The following TOE1 variants were observed in gnomAD, a reference collection of about 807,000 sequenced individuals.
The protein encoded by TOE1 is target of EGR1 protein 1.
In TOE1, 50 loss-of-function variants were observed where a neutral mutation model predicts 49.2. The observed-to-expected ratio is 1.02, with a 90% CI of 0.81 to 1.29. The LOEUF is 1.29. Among genes scored for constraint, TOE1 ranks in the 50% most tolerant of loss-of-function variants. The pLI is 0.00. For synonymous variants in TOE1, 221 were observed against 247.0 expected (o/e 0.89, Z 0.99); for missense variants, 544 against 654.4 (o/e 0.83, Z 1.84).
rs369233199 is a variant in TOE1 at position 45,343,180 on chromosome 1, A to G, written c.1011A>G (p.Arg337=). 119 of 1,613,586 alleles carry G rather than the reference A, an allele frequency of 7.4e-5. No homozygotes were observed. Among genetic ancestry groups the G allele is most frequent in the Non-Finnish European group, 9.8e-5 (116 of 1,179,940 alleles). The part of the protein sequence containing the change: ...TDEAAAEDKR[R]RRRRREKRKR... The stretch of plus-strand genomic sequence containing the variant: ...AGGCTGCGGCAGAGGACAAGCGGCG[A>G]CGGCGACGACGTAGGGAAAAACGGA... The change falls in exon 8 of 8, where the codon CGA becomes CGG. Residue 337 remains arginine (R), a synonymous_variant. Coordinates refer to ENST00000372090, the MANE Select transcript of TOE1 (RefSeq NM_025077.4). This position sits in a 1 kb window ranked among gnomAD's most constrained non-coding sequence, Gnocchi z 4.3.
At chr1:45,340,592 T>TA in intron 1 of TOE1, 1 of 1,337,614 alleles carries the variant, frequency 7.5e-7, no homozygotes, top group Non-Finnish European at 9.6e-7. Flanking sequence ...TTGAGCGTTG[T>TA]GATCCAAAGG....
rs771934841 is a variant in TOE1 at position 45,341,533 on chromosome 1, C to G, written c.297C>G (p.Ser99=). The change falls in exon 4 of 8, where the codon TCC becomes TCG. Residue 99 remains serine, a synonymous_variant. Coordinates refer to ENST00000372090, the MANE Select transcript of TOE1 (RefSeq NM_025077.4). ...CTGCCAGGACCCGTTCTATCCTTTC[C>G]CTGGGCCTCGCCTGCTTCAAGCGGC... is the stretch of plus-strand genomic sequence containing the variant. The part of the protein sequence containing the change: ...CHAARTRSIL[S]LGLACFKRQP... 29 of 1,613,928 alleles carry G rather than the reference C, an allele frequency of 1.8e-5. No homozygotes were observed. Among genetic ancestry groups the G allele is most frequent in the Non-Finnish European group, 2.5e-5 (29 of 1,180,016 alleles).
intron 1 of TOE1, 166 bp downstream of exon 1, chr1:45,340,470 G>A: frequency 6.8e-7 from 1 of 1,469,558 alleles, no homozygotes; most frequent in African/African-American, 1.4e-5. Flanking sequence ...GGCTCCGGCT[G>A]CAAAAGCCTG....
rs1300042760 is a variant in TOE1, at chr1:45,343,527, A to G, written c.1358A>G (p.Tyr453Cys). The change falls in exon 8 of 8, where the codon TAT (tyrosine) becomes TGT (cysteine). Residue 453 changes from tyrosine (Y) to cysteine (C), a missense_variant. Tyr to Cys is a radical substitution (Grantham distance 194). Coordinates refer to ENST00000372090, the MANE Select transcript of TOE1 (RefSeq NM_025077.4). This position sits in a 1 kb window ranked among gnomAD's most constrained non-coding sequence, Gnocchi z 4.3. ...DAFMTGYVMAYVEVSQGPQPC... is the reference protein window; with the variant it reads ...DAFMTGYVMACVEVSQGPQPC... ...TTTATGACAGGTTATGTGATGGCCT[A>G]TGTGGAAGTGAGCCAGGGACCGCAG... 9 of 1,614,076 alleles carry G rather than the reference A, an allele frequency of 5.6e-6. No homozygotes were observed. Among genetic ancestry groups the G allele is most frequent in the East Asian group, 4.5e-5 (2 of 44,870 alleles).
Position 45,343,783 on chromosome 1 carries a change from G to C in TOE1, c.*81G>C. 6.8e-7 allele frequency: 1 copy of C among 1,460,096 alleles called. No individual in the cohort carries two copies. Among genetic ancestry groups the C allele is most frequent in the Non-Finnish European group, 9.3e-7 (1 of 1,074,730 alleles). The allele number at this position is 1,460,096 out of a possible 1,614,324, so 90.4% of individuals were successfully genotyped here. On this transcript the variant is annotated 3_prime_UTR_variant, in exon 8 of 8. Coordinates refer to ENST00000372090, the MANE Select transcript of TOE1 (RefSeq NM_025077.4). The surrounding 1 kb of genome is among the most constrained non-coding windows in gnomAD (Gnocchi z 4.3). ...TGAAATGTCATCCTCAACTGCTACTGAGTTTAGGGGAGGGGGAATGTCTTG... is the reference window on the plus strand; with the variant it reads ...TGAAATGTCATCCTCAACTGCTACTCAGTTTAGGGGAGGGGGAATGTCTTG...
At position 45,341,866 on chromosome 1, in the gene TOE1, T is replaced by C. The variant is rs1388801492; in HGVS notation, c.334-83T>C. 17 of 1,435,598 alleles carry C rather than the reference T, an allele frequency of 1.2e-5. No homozygotes were observed. In the South Asian group the frequency reaches 1.6e-4, roughly 14 times the overall value. The allele number at this position is 1,435,598 out of a possible 1,614,324, so 88.9% of individuals were successfully genotyped here. On this transcript the variant is annotated intron_variant, in intron 4 of 7. Coordinates refer to ENST00000372090, the MANE Select transcript of TOE1 (RefSeq NM_025077.4). The stretch of plus-strand genomic sequence containing the variant: ...TCCTTTCCCCCCTGAGTCCCCAGAG[T>C]CCATTGTATCATTCTTAAGCTTTTG...
chr1:45,341,498 G>A lies in TOE1; in HGVS notation c.262G>A (p.Val88Met), dbSNP rs756255978. Residue 88 changes from valine (V) to methionine (M), a missense_variant, in exon 4 of 8, where the codon GTG becomes ATG. Transcript: ENST00000372090. ...NQCIEERYKA[V>M]CHAARTRSIL... ...GTGCATTGAGGAACGTTACAAGGCC[G>A]TGTGTCATGCTGCCAGGACCCGTTC... 53 of 1,613,934 alleles carry A rather than the reference G, an allele frequency of 3.3e-5. No individual in the cohort carries two copies. The East Asian group carries it at 7.4e-4, about 22-fold the overall frequency.
intron 1 of TOE1, 145 bp downstream of exon 1, chr1:45,340,449 T>C: frequency 6.7e-7 from 1 of 1,494,450 alleles, no homozygotes; most frequent in Non-Finnish European, 8.9e-7. Flanking sequence ...ACAAGTTCCG[T>C]TGTACACCGC....
intron 1 of TOE1, 56 bp downstream of exon 1, chr1:45,340,360 G>T: frequency 6.4e-7 from 1 of 1,574,202 alleles, no homozygotes; most frequent in Non-Finnish European, 8.6e-7. Context: ...GAGAGGGGAA[G>T]GCCTCGGGCT....
chr1:45,342,940 C>T lies in TOE1; in HGVS notation c.850C>T (p.Arg284Cys), dbSNP rs755113478. 1.5e-5 allele frequency: 24 copies of T among 1,613,698 alleles called. No homozygotes were observed. The East Asian group carries it at 2.5e-4, about 16-fold the overall frequency. ...PSSMRDHIDY[R>C]CCLPPATHRP... ...CAGCATGAGGGACCATATTGATTACCGCTGCTGCCTGCCCCCAGCAACCCA... is the reference window on the plus strand; with the variant it reads ...CAGCATGAGGGACCATATTGATTACTGCTGCTGCCTGCCCCCAGCAACCCA... Residue 284 changes from arginine to cysteine, a missense_variant, in exon 7 of 8, where the codon CGC (arginine) becomes TGC (cysteine). Arg to Cys is a radical substitution (Grantham distance 180). Transcript: ENST00000372090.
chr1:45,342,586 C>T lies in TOE1; in HGVS notation c.695C>T (p.Ala232Val). ...GCAGGCATTTATGACACCAAATATG[C>T]TGCTGAGTTTCATGCCCGTTTCGTG... ...FPAGIYDTKY[A>V]AEFHARFVAS... Residue 232 changes from alanine to valine, a missense_variant, in exon 6 of 8, where the codon GCT (alanine) becomes GTT (valine). By Grantham distance (64) the Ala-to-Val change is moderately conservative (BLOSUM62 0). Coordinates refer to ENST00000372090, the MANE Select transcript of TOE1 (RefSeq NM_025077.4). The T allele has an allele frequency of 6.2e-7, 1 of 1,614,170 alleles. No individual in the cohort carries two copies. The highest frequency in any genetic ancestry group is 8.5e-7 in the Non-Finnish European group (1 of 1,180,044).
intron 3 of TOE1, 60 bp downstream of exon 3, chr1:45,341,403 A>C (rs1646962292): frequency 6.2e-7 from 1 of 1,614,022 alleles, no homozygotes; most frequent in Non-Finnish European, 8.5e-7. Flanking sequence ...GGGGGGTCAC[A>C]GACCTGGGTG....
chr1:45,342,135 G>A lies in TOE1; in HGVS notation c.492+28G>A, dbSNP rs765453683. ...AGGCCTCTAGCCTCCCTAGCCTTGAGTCTGCCCTTTCTGTGACTTTATTTC... is the reference window on the plus strand; with the variant it reads ...AGGCCTCTAGCCTCCCTAGCCTTGAATCTGCCCTTTCTGTGACTTTATTTC... On this transcript the variant is annotated intron_variant, in intron 5 of 7. Transcript: ENST00000372090. 1.9e-6 allele frequency: 3 copies of A among 1,610,948 alleles called. No homozygotes were observed. The South Asian group carries it at 3.3e-5, about 18-fold the overall frequency.
At position 45,343,148 on chromosome 1, in the gene TOE1, A is replaced by G; in HGVS notation, c.979A>G (p.Thr327Ala). Residue 327 changes from threonine (T) to alanine (A), a missense_variant, in exon 8 of 8, where the codon ACT (threonine) becomes GCT (alanine). Coordinates refer to ENST00000372090, the MANE Select transcript of TOE1 (RefSeq NM_025077.4). This position sits in a 1 kb window ranked among gnomAD's most constrained non-coding sequence, Gnocchi z 4.3. ...TCACGATATTGACCTTATCATTGAC[A>G]CTGATGAGGCTGCGGCAGAGGACAA... is the stretch of plus-strand genomic sequence containing the variant. ...QSHDIDLIID[T>A]DEAAAEDKRR... 1 of 1,613,668 alleles carries G rather than the reference A, an allele frequency of 6.2e-7. No homozygotes were observed. Among genetic ancestry groups the G allele is most frequent in the Non-Finnish European group, 8.5e-7 (1 of 1,179,946 alleles).
At chr1:45,340,625 C>T (rs1646880174) in intron 1 of TOE1, 1 of 1,301,568 alleles carries the variant, frequency 7.7e-7, no homozygotes, top group Non-Finnish European at 9.9e-7. Context: ...ATTGGGAGCT[C>T]TGGTGTGGGG....
Position 45,342,057 on chromosome 1 carries a change from T to G in TOE1, c.442T>G (p.Phe148Val). The change falls in exon 5 of 8, where the codon TTC (phenylalanine) becomes GTC (valine). Residue 148 changes from phenylalanine to valine, a missense_variant. Coordinates refer to ENST00000372090, the MANE Select transcript of TOE1 (RefSeq NM_025077.4). The stretch of plus-strand genomic sequence containing the variant: ...GTTCCTGATACAGCATGGCTTCAAC[T>G]TCAACCAGCAGTATGCCCAAGGCAT... Reference protein sequence around the residue: ...VQFLIQHGFNFNQQYAQGIPY... With the variant: ...VQFLIQHGFNVNQQYAQGIPY... The G allele has an allele frequency of 6.2e-7, 1 of 1,614,028 alleles. No homozygotes were observed. The highest frequency in any genetic ancestry group is 8.5e-7 in the Non-Finnish European group (1 of 1,179,912).
Position 45,343,315 on chromosome 1 carries a change from G to C in TOE1, c.1146G>C (p.Gln382His). ...GCATCAAGCCTGAAGAAACCGAGCAGGAGGTGGCTGCCGATGAAACTAGGA... is the reference window on the plus strand; with the variant it reads ...GCATCAAGCCTGAAGAAACCGAGCACGAGGTGGCTGCCGATGAAACTAGGA... Reference protein sequence around the residue: ...GDSIKPEETEQEVAADETRNL... With the variant: ...GDSIKPEETEHEVAADETRNL... Residue 382 changes from glutamine to histidine, a missense_variant, in exon 8 of 8, where the codon CAG (glutamine) becomes CAC (histidine). Gln to His is a conservative substitution (Grantham distance 24, BLOSUM62 0). Transcript: ENST00000372090. This position sits in a 1 kb window ranked among gnomAD's most constrained non-coding sequence, Gnocchi z 4.3. The C allele has an allele frequency of 1.9e-6, 3 of 1,614,082 alleles. No homozygotes were observed. The East Asian group carries it at 6.7e-5, about 36-fold the overall frequency.
Position 45,341,076 on chromosome 1 carries a change from G to T in TOE1, c.56G>T (p.Gly19Val), listed in dbSNP as rs1288398770. Residue 19 changes from glycine to valine, a missense_variant, in exon 2 of 8, where the codon GGT (glycine) becomes GTT (valine). By Grantham distance (109) the Gly-to-Val change is moderately radical. Coordinates refer to ENST00000372090, the MANE Select transcript of TOE1 (RefSeq NM_025077.4). Reference sequence around the variant, plus strand: ...CCATCACCCTCCTAACCCCCAGGTGGTGTCAGCAAAAGCACAACATCTGGG... The same window carrying T: ...CCATCACCCTCCTAACCCCCAGGTGTTGTCAGCAAAAGCACAACATCTGGG... ...AVSAPAASDG[G>V]VSKSTTSGEE... 8 of 1,614,174 alleles carry T rather than the reference G, an allele frequency of 5.0e-6. No individual in the cohort carries two copies. The highest frequency in any genetic ancestry group is 6.8e-6 in the Non-Finnish European group (8 of 1,180,030).
At chr1:45,341,004 C>CG in intron 1 of TOE1, 69 bp from the exon 2 acceptor site, 1 of 1,604,394 alleles carries the variant, frequency 6.2e-7, no homozygotes, top group Non-Finnish European at 8.5e-7. Flanking sequence ...TCACCGTGGC[C>CG]TAGCTTGGTG....
Sources: gnomAD v4.1 joint callset for allele counts on GRCh38, gnomAD v4.1.1 for gene constraint, Gnocchi (gnomAD v3.1) non-coding constraint, MANE v1.5 for transcripts, NCBI Gene and HGNC (gene_info 2026-07-23, HGNC 2026-07-21) for gene names.